Variants in RIT2 observed in about 807,000 individuals in gnomAD.
The protein encoded by RIT2 is Ras like without CAAX 2.
RIT2 carries 24 observed loss-of-function variants against 23.7 expected under a neutral mutation model. That is an observed-to-expected ratio of 1.01 (90% CI 0.73 to 1.43). RIT2 has a LOEUF of 1.43. Ranked by LOEUF, RIT2 falls within the 40% of genes most tolerant of loss-of-function variation. RIT2 has a pLI of 0.00. For missense variants in RIT2, 236 were observed against 266.9 expected (o/e 0.88, Z 0.81); for synonymous variants, 107 against 91.1 (o/e 1.17, Z -0.99).
intron 3 of RIT2, among the ~76,000 whole-genome samples, chr18:42,942,219 C>T (rs1223601196): frequency 6.6e-6 from 1 of 152,104 alleles, no homozygotes; most frequent in African/African-American, 2.4e-5. Flanking sequence ...CCAAACCTCT[C>T]CATATGGCTT....
At chr18:42,799,931 T>C (rs762299360) in intron 4 of RIT2, among the ~76,000 whole-genome samples, 4 of 152,218 alleles carry the variant, frequency 2.6e-5, no homozygotes, top group Non-Finnish European at 5.9e-5. Context: ...TTTTCTTTCA[T>C]TAATTTATTA....
At chr18:42,914,605 A>G (rs1908854577) in intron 4 of RIT2, among the ~76,000 whole-genome samples, 1 of 152,082 alleles carries the variant, frequency 6.6e-6, no homozygotes, top group Non-Finnish European at 1.5e-5. Flanking sequence ...AAAATGAGGT[A>G]GTAGACTACT....
chr18:42,835,770 T>C (rs1906585088), intron 4 of RIT2, among the ~76,000 whole-genome samples: 1 of 152,028 alleles, frequency 6.6e-6, no homozygotes, highest in South Asian at 2.1e-4. Flanking sequence ...TAAATTAAAC[T>C]CTTTAAAGAG....
intron 1 of RIT2, among the ~76,000 whole-genome samples, chr18:43,034,938 A>G: frequency 6.6e-6 from 1 of 151,970 alleles, no homozygotes; most frequent in South Asian, 2.1e-4. Flanking sequence ...TTGCCTATAC[A>G]TCTCTGCATG....
intron 2 of RIT2, among the ~76,000 whole-genome samples, chr18:43,029,778 A>G (rs1911813563): frequency 6.6e-6 from 1 of 152,074 alleles, no homozygotes; most frequent in African/African-American, 2.4e-5. Context: ...GCAGAGGAGT[A>G]AGATAAGAAA....
chr18:42,787,029 A>G (rs1913937726), intron 4 of RIT2, among the ~76,000 whole-genome samples: 1 of 152,128 alleles, frequency 6.6e-6, no homozygotes, highest in Admixed American at 6.5e-5. Flanking sequence ...TAACATCAGC[A>G]TGTTTCCAGG....
chr18:42,982,189 A>T (rs180746023), intron 2 of RIT2, among the ~76,000 whole-genome samples: 9 of 152,298 alleles, frequency 5.9e-5, no homozygotes, highest in Admixed American at 3.9e-4. Context: ...GAACTTGGGG[A>T]GCTGCTGGTG....
chr18:43,053,682 A>G (rs1021328149), intron 1 of RIT2, among the ~76,000 whole-genome samples: 2 of 152,104 alleles, frequency 1.3e-5, no homozygotes, highest in Admixed American at 1.3e-4. Flanking sequence ...TTTGATTATT[A>G]AAATGTTAGG....
At chr18:42,989,372 A>G (rs536985586) in intron 2 of RIT2, among the ~76,000 whole-genome samples, 10 of 152,178 alleles carry the variant, frequency 6.6e-5, no homozygotes, top group Non-Finnish European at 1.5e-4. Context: ...TTCAGAACCT[A>G]CAACAGCACT....
Position 43,087,735 on chromosome 18 carries a change from A to C in RIT2, c.103+27682T>G, listed in dbSNP as rs1381636368. Among the ~76,000 whole-genome samples the C allele has an allele frequency of 2.6e-5, 4 of 152,136 alleles. No individual in the cohort carries two copies. The East Asian group carries it at 7.7e-4, about 29-fold the overall frequency. ...CTGCTCGAATAGTACAAGAATAGTC[A>C]TAAGTTTATTGAACAATATTTCTTT... On this transcript the variant is annotated intron_variant, in intron 1 of 4. Transcript: ENST00000326695.
intron 2 of RIT2, among the ~76,000 whole-genome samples, chr18:43,007,823 T>G (rs1302048973): frequency 6.6e-6 from 1 of 151,742 alleles, no homozygotes; most frequent in Non-Finnish European, 1.5e-5. Context: ...ATTAATTATC[T>G]TGCCATTTTT....
intron 3 of RIT2, among the ~76,000 whole-genome samples, chr18:42,942,560 T>C (rs970988156): frequency 6.6e-6 from 1 of 152,112 alleles, no homozygotes; most frequent in African/African-American, 2.4e-5. Flanking sequence ...CTGGCCACCG[T>C]CTGCGTGGAG....
In RIT2 at chr18:43,109,177, A is replaced by T. The variant is rs141733728; in HGVS notation, c.103+6240T>A. 1.2e-3 allele frequency among the ~76,000 whole-genome samples: 179 copies of T among 152,354 alleles called. 1 individual carries two copies. The Middle Eastern group carries it at 0.017, about 14-fold the overall frequency. Reference sequence around the variant, plus strand: ...TCTCTTTATAAAATCCTGCTACATGAAACTGAATTTGCAGAGGCAACAAAC... The same window carrying T: ...TCTCTTTATAAAATCCTGCTACATGTAACTGAATTTGCAGAGGCAACAAAC... On this transcript the variant is annotated intron_variant, in intron 1 of 4. Transcript: ENST00000326695.
At chr18:42,815,774 A>T (rs1905977397) in intron 4 of RIT2, among the ~76,000 whole-genome samples, 1 of 152,190 alleles carries the variant, frequency 6.6e-6, no homozygotes, top group Admixed American at 6.5e-5. Context: ...TCTCCAGGGT[A>T]TCCGAGGCAA....
At chr18:42,829,643 G>T (rs1906400152) in intron 4 of RIT2, among the ~76,000 whole-genome samples, 1 of 152,118 alleles carries the variant, frequency 6.6e-6, no homozygotes, top group Non-Finnish European at 1.5e-5. Flanking sequence ...TTCTTGCTAT[G>T]TTTCTTAAAA....
intron 4 of RIT2, among the ~76,000 whole-genome samples, chr18:42,874,078 A>C (rs906294447): frequency 6.6e-6 from 1 of 152,170 alleles, no homozygotes; most frequent in African/African-American, 2.4e-5. Context: ...TTATGAATCA[A>C]CATAACCCTG....
chr18:42,811,239 G>A (rs553622569), intron 4 of RIT2, among the ~76,000 whole-genome samples: 1 of 152,162 alleles, frequency 6.6e-6, no homozygotes, highest in East Asian at 1.9e-4. Context: ...CTTGATTCTT[G>A]AGTATTATCC....
At chr18:43,008,730 G>A (rs956610806) in intron 2 of RIT2, among the ~76,000 whole-genome samples, 2 of 151,410 alleles carry the variant, frequency 1.3e-5, no homozygotes, top group African/African-American at 2.4e-5. Context: ...ACATACTTGG[G>A]ATAGCTTAGT....
At chr18:43,098,456 T>G (rs1337005507) in intron 1 of RIT2, among the ~76,000 whole-genome samples, 3 of 151,866 alleles carry the variant, frequency 2.0e-5, no homozygotes, top group Non-Finnish European at 4.4e-5. Flanking sequence ...GAGAGAATAG[T>G]TGTAACACAC....
Sources: allele counts gnomAD v4.1 joint callset (sites outside exome capture counted in the v4.1 genomes callset), GRCh38; gene constraint gnomAD v4.1.1; transcripts MANE v1.5; gene names NCBI Gene and HGNC (gene_info 2026-07-23, HGNC 2026-07-21).